PCNX2: variants seen among roughly 807,000 people sequenced by gnomAD.
The protein encoded by PCNX2 is pecanex-like protein 2.
Under a neutral mutation model 223.8 loss-of-function variants are expected in PCNX2, and 168 were observed. The observed-to-expected ratio is 0.75, with a 90% CI of 0.66 to 0.85. The LOEUF is 0.85. Ranked by LOEUF, PCNX2 falls within the 40% of genes least tolerant of loss-of-function variation. The pLI is 0.00. For synonymous variants in PCNX2, 1,006 were observed against 1,052.6 expected (o/e 0.96, Z 0.86); for missense variants, 2,507 against 2,675.5 (o/e 0.94, Z 1.39).
At chr1:233,067,404 A>AAAAAAAAAAAG (rs1672661617) in intron 23 of PCNX2, among the ~76,000 whole-genome samples, 1 of 117,318 alleles carries the variant, frequency 8.5e-6, no homozygotes, top group African/African-American at 3.4e-5. Flanking sequence ...AAAAAAAAAA[A>AAAAAAAAAAAG]GCAAGACTTG....
chr1:233,081,553 C>T (rs1673360465), intron 23 of PCNX2, among the ~76,000 whole-genome samples: 1 of 152,062 alleles, frequency 6.6e-6, no homozygotes, highest in Non-Finnish European at 1.5e-5. Flanking sequence ...CATCAGGAAG[C>T]CTCTCTTCAG....
chr1:233,164,268 G>A (rs2102828522), intron 17 of PCNX2, among the ~76,000 whole-genome samples: 1 of 152,238 alleles, frequency 6.6e-6, no homozygotes, highest in East Asian at 1.9e-4. Context: ...ATCCCAATTA[G>A]AATGGTTATT....
In PCNX2 at chr1:233,208,502, C is replaced by T; in HGVS notation, c.2863+16G>A. On this transcript the variant is annotated intron_variant, in intron 13 of 33. Transcript: ENST00000258229. The stretch of plus-strand genomic sequence containing the variant: ...CAACCCCCATATTCTTCCCCACAAC[C>T]CCATAATTAACTCACCTATTAAGTA... The T allele has an allele frequency of 1.2e-6, 2 of 1,606,860 alleles. No homozygotes were observed. The highest frequency in any genetic ancestry group is 1.7e-6 in the Non-Finnish European group (2 of 1,174,658).
chr1:233,261,593 A>G (rs1489194341), intron 3 of PCNX2, among the ~76,000 whole-genome samples: 1 of 152,238 alleles, frequency 6.6e-6, no homozygotes, highest in African/African-American at 2.4e-5. Context: ...GCCACTACTT[A>G]CACTATAGTG....
chr1:233,173,896 G>T (rs1488533935), intron 17 of PCNX2, among the ~76,000 whole-genome samples: 2 of 151,224 alleles, frequency 1.3e-5, no homozygotes, highest in East Asian at 3.9e-4. Context: ...CTTTTCTCTG[G>T]TTGTATTTAT....
In PCNX2 at chr1:233,144,963, T is replaced by TTG. The variant is rs1553300231; in HGVS notation, c.3518-5109_3518-5108insCA. Among the ~76,000 whole-genome samples the TTG allele has an allele frequency of 9.4e-3, 1,172 of 125,046 alleles. 28 individuals are homozygous for TTG. Among genetic ancestry groups the TTG allele is most frequent in the East Asian group, 0.055 (234 of 4,230 alleles). 82.0% of individuals were successfully genotyped at this position (125,046 alleles called of 152,430 possible). On this transcript the variant is annotated intron_variant, in intron 19 of 33. Coordinates refer to ENST00000258229, the MANE Select transcript of PCNX2 (RefSeq NM_014801.4). ...TGTTGTTGTTGTTTTGTTTTTTTTT[T>TTG]TTGTTTCTTTTTTTTTTTTGAGATG... is the stretch of plus-strand genomic sequence containing the variant.
chr1:233,091,419 T>C (rs1250832384), intron 22 of PCNX2, among the ~76,000 whole-genome samples: 1 of 151,944 alleles, frequency 6.6e-6, no homozygotes, highest in Non-Finnish European at 1.5e-5. Flanking sequence ...GACTTCTAAG[T>C]AGTTTAACAT....
At chr1:232,988,049 C>T (rs553612796) in intron 32 of PCNX2, among the ~76,000 whole-genome samples, 16 of 152,266 alleles carry the variant, frequency 1.1e-4, no homozygotes, top group South Asian at 2.1e-4. Flanking sequence ...TGAAAGGTCC[C>T]GGCTGAGTAG....
rs970197354 is a variant in PCNX2, at chr1:232,990,613, C to T, written c.5792-4073G>A. 6.6e-6 allele frequency among the ~76,000 whole-genome samples: 1 copy of T among 152,170 alleles called. No homozygotes were observed. Among genetic ancestry groups the T allele is most frequent in the Non-Finnish European group, 1.5e-5 (1 of 68,028 alleles). On this transcript the variant is annotated intron_variant, in intron 32 of 33. Coordinates refer to ENST00000258229, the MANE Select transcript of PCNX2 (RefSeq NM_014801.4). This position sits in a 1 kb window ranked among gnomAD's most constrained non-coding sequence, Gnocchi z 4.3. The stretch of plus-strand genomic sequence containing the variant: ...CAGGAGGGGTAACCATCCACTCATT[C>T]GTCCAACCTTTGTCTGCTGAGCCCA...
At chr1:233,017,532 G>T (rs569551550) in intron 26 of PCNX2, among the ~76,000 whole-genome samples, 71 of 152,070 alleles carry the variant, frequency 4.7e-4, no homozygotes, top group African/African-American at 1.5e-3. Flanking sequence ...TAGCCAGGAT[G>T]GTCTCGATCT....
rs1572024538 is a variant in PCNX2 at position 233,025,885 on chromosome 1, A to G, written c.4352-486T>C. Among the ~76,000 whole-genome samples the G allele has an allele frequency of 3.3e-5, 5 of 152,356 alleles. 1 individual carries two copies. In the Middle Eastern group the frequency reaches 0.017, roughly 518 times the overall value. ...GGTAGTTGTTCCTATTATTTTTACTAGATTGTGAGCTCCCTAAGGGCAGTG... is the reference window on the plus strand; with the variant it reads ...GGTAGTTGTTCCTATTATTTTTACTGGATTGTGAGCTCCCTAAGGGCAGTG... On this transcript the variant is annotated intron_variant, in intron 25 of 33. Coordinates refer to ENST00000258229, the MANE Select transcript of PCNX2 (RefSeq NM_014801.4).
At chr1:233,007,353 T>C (rs1352812103) in intron 28 of PCNX2, among the ~76,000 whole-genome samples, 1 of 151,946 alleles carries the variant, frequency 6.6e-6, no homozygotes, top group Non-Finnish European at 1.5e-5. Flanking sequence ...TACAACCCTT[T>C]CATATGAGAA....
intron 25 of PCNX2, among the ~76,000 whole-genome samples, chr1:233,030,587 CAGCTTGATCCTTTTAA>C (rs1251494536): frequency 6.6e-6 from 1 of 152,166 alleles, no homozygotes; most frequent in African/African-American, 2.4e-5. Context: ...ATCAGGTTGT[CAGCTTGATCCTTTTAA>C]AGCTTGTTTT....
intron 17 of PCNX2, among the ~76,000 whole-genome samples, chr1:233,170,906 A>G (rs1310247270): frequency 6.6e-6 from 1 of 152,194 alleles, no homozygotes; most frequent in Non-Finnish European, 1.5e-5. Context: ...CACAGACCAA[A>G]GTTAATGGTA....
chr1:233,151,878 A>G (rs1268702894), intron 19 of PCNX2, among the ~76,000 whole-genome samples: 1 of 152,134 alleles, frequency 6.6e-6, no homozygotes, highest in Admixed American at 6.5e-5. Flanking sequence ...TACAGGCGTG[A>G]GCCACTGCGC....
intron 28 of PCNX2, among the ~76,000 whole-genome samples, chr1:233,007,841 A>ATT (rs199807740): frequency 7.0e-6 from 1 of 143,216 alleles, no homozygotes; most frequent in African/African-American, 2.6e-5. Context: ...ATGCCCGGCT[A>ATT]TTTTTTTTTG....
intron 21 of PCNX2, 47 bp from the exon 22 acceptor site, chr1:233,095,910 GTGGTAA>G: frequency 7.3e-7 from 1 of 1,371,554 alleles, no homozygotes; most frequent in Non-Finnish European, 1.0e-6. Flanking sequence ...AATGACAACA[GTGGTAA>G]CTGCATCAAG....
At chr1:233,208,091 A>G (rs1681588045) in intron 13 of PCNX2, among the ~76,000 whole-genome samples, 1 of 151,910 alleles carries the variant, frequency 6.6e-6, no homozygotes, top group South Asian at 2.1e-4. Context: ...GAGTAGCTGC[A>G]ATTACAGGCA....
intron 23 of PCNX2, among the ~76,000 whole-genome samples, chr1:233,081,775 C>A (rs1673370575): frequency 6.6e-6 from 1 of 152,176 alleles, no homozygotes; most frequent in African/African-American, 2.4e-5. Flanking sequence ...TCTGACCTGT[C>A]CTACTCTGAG....
Sources: gnomAD v4.1 joint callset for allele counts (sites outside exome capture counted in the v4.1 genomes callset) on GRCh38, gnomAD v4.1.1 for gene constraint, Gnocchi (gnomAD v3.1) non-coding constraint, MANE v1.5 for transcripts, NCBI Gene and HGNC (gene_info 2026-07-23, HGNC 2026-07-21) for gene names.